Variants in GRID2 observed in about 807,000 individuals in gnomAD.
GRID2 encodes the protein glutamate receptor ionotropic, delta-2.
GRID2 carries 33 observed loss-of-function variants against 114.8 expected under a neutral mutation model. That is an observed-to-expected ratio of 0.29 (90% CI 0.22 to 0.38). The LOEUF is 0.38. GRID2 is among the 10% of genes least tolerant of loss of function. The pLI is 1.00. For synonymous variants in GRID2, 505 were observed against 449.9 expected (o/e 1.12, Z -1.55); for missense variants, 1,184 against 1,257.7 (o/e 0.94, Z 0.89).
intron 1 of GRID2, among the ~76,000 whole-genome samples, chr4:92,553,222 C>T (rs940044863): frequency 1.3e-5 from 2 of 152,134 alleles, no homozygotes; most frequent in African/African-American, 4.8e-5. Context: ...AATGCACCTG[C>T]ATTGGGTAAT....
At chr4:92,825,463 G>A (rs941691842) in intron 2 of GRID2, among the ~76,000 whole-genome samples, 1 of 152,114 alleles carries the variant, frequency 6.6e-6, no homozygotes. Flanking sequence ...TCATGACAGC[G>A]AAGTGAGTCT....
intron 8 of GRID2, among the ~76,000 whole-genome samples, chr4:93,384,428 C>T (rs1299973943): frequency 6.6e-6 from 1 of 152,090 alleles, no homozygotes; most frequent in African/African-American, 2.4e-5. Flanking sequence ...TCCTTTCTCA[C>T]AAATATCTCC....
chr4:93,310,039 A>G (rs1755849317), intron 8 of GRID2, among the ~76,000 whole-genome samples: 1 of 152,104 alleles, frequency 6.6e-6, no homozygotes, highest in Non-Finnish European at 1.5e-5. Flanking sequence ...CTCCCCTGAT[A>G]TTCCACTAGA....
At chr4:92,397,632 A>G (rs545410591) in intron 1 of GRID2, among the ~76,000 whole-genome samples, 24 of 152,278 alleles carry the variant, frequency 1.6e-4, no homozygotes, top group African/African-American at 5.8e-4. Context: ...GCAGCATAGA[A>G]GTGGCATGAA....
chr4:93,555,681 T>A (rs1734247752), intron 13 of GRID2, among the ~76,000 whole-genome samples: 3 of 152,178 alleles, frequency 2.0e-5, no homozygotes, highest in African/African-American at 7.2e-5. Flanking sequence ...GAAGTCAGCT[T>A]CAGCAGACGT....
intron 2 of GRID2, among the ~76,000 whole-genome samples, chr4:93,015,233 A>G (rs1437428816): frequency 2.6e-5 from 4 of 152,130 alleles, no homozygotes. Context: ...TGGGCCAAAA[A>G]TGGAACTCTG....
At chr4:93,461,527 G>C (rs139217891) in intron 11 of GRID2, among the ~76,000 whole-genome samples, 30 of 152,210 alleles carry the variant, frequency 2.0e-4, no homozygotes, top group African/African-American at 7.2e-4. Flanking sequence ...TGTGTTATCA[G>C]ACAGATTTCT....
chr4:92,895,616 A>G (rs1747109439), intron 2 of GRID2, among the ~76,000 whole-genome samples: 1 of 151,880 alleles, frequency 6.6e-6, no homozygotes, highest in Non-Finnish European at 1.5e-5. Flanking sequence ...CTGTGCTTAA[A>G]AAATATTAAA....
At chr4:92,561,006 C>T (rs1579583449) in intron 1 of GRID2, among the ~76,000 whole-genome samples, 1 of 152,136 alleles carries the variant, frequency 6.6e-6, no homozygotes, top group Non-Finnish European at 1.5e-5. Context: ...AGGCACCCGG[C>T]CGCTTTCTAA....
intron 13 of GRID2, 104 bp downstream of exon 13, chr4:93,515,515 C>G: frequency 1.3e-6 from 1 of 743,782 alleles, no homozygotes; most frequent in South Asian, 1.8e-5. Flanking sequence ...TGTTTTTTAT[C>G]TTTAATGCTG....
At chr4:93,614,083 G>T (rs1382856212) in intron 13 of GRID2, among the ~76,000 whole-genome samples, 1 of 152,040 alleles carries the variant, frequency 6.6e-6, no homozygotes, top group Non-Finnish European at 1.5e-5. Context: ...TTCCAGGTGC[G>T]TCCGTCACCC....
chr4:93,289,915 A>T (rs1004454105), intron 8 of GRID2, among the ~76,000 whole-genome samples: 1 of 152,238 alleles, frequency 6.6e-6, no homozygotes, highest in Non-Finnish European at 1.5e-5. Context: ...AAAGAAGTCC[A>T]TAAGATAAGA....
At chr4:93,104,677 T>C (rs561174185) in intron 3 of GRID2, among the ~76,000 whole-genome samples, 1 of 152,352 alleles carries the variant, frequency 6.6e-6, no homozygotes, top group South Asian at 2.1e-4. Context: ...GTGGTGTATA[T>C]GTGTCACATT....
intron 2 of GRID2, among the ~76,000 whole-genome samples, chr4:92,671,130 C>T (rs1733045563): frequency 6.6e-6 from 1 of 151,904 alleles, no homozygotes; most frequent in Non-Finnish European, 1.5e-5. Context: ...GGCTTGGAGG[C>T]CTCAGGAAAC....
At chr4:92,620,755 A>G (rs1730229654) in intron 2 of GRID2, among the ~76,000 whole-genome samples, 1 of 151,258 alleles carries the variant, frequency 6.6e-6, no homozygotes, top group African/African-American at 2.4e-5. Context: ...CAGTATTAGG[A>G]CACAGGAAGT....
intron 4 of GRID2, among the ~76,000 whole-genome samples, chr4:93,160,617 C>T (rs191597980): frequency 7.9e-4 from 120 of 151,902 alleles, no homozygotes; most frequent in Non-Finnish European, 1.4e-3. Context: ...GATACTGGAG[C>T]AATCTCCTTA....
intron 14 of GRID2, among the ~76,000 whole-genome samples, chr4:93,706,756 T>A (rs1392394911): frequency 6.6e-6 from 1 of 152,180 alleles, no homozygotes; most frequent in East Asian, 1.9e-4. Flanking sequence ...CTCTGTTGAG[T>A]AACAGTGGTG....
intron 12 of GRID2, among the ~76,000 whole-genome samples, chr4:93,502,828 G>A (rs1728257004): frequency 6.6e-6 from 1 of 151,196 alleles, no homozygotes; most frequent in African/African-American, 2.4e-5. Context: ...AGATACCCCA[G>A]CTAATAGCAA....
chr4:92,942,219 T>A (rs2149537797), intron 2 of GRID2, among the ~76,000 whole-genome samples: 1 of 152,280 alleles, frequency 6.6e-6, no homozygotes, highest in Middle Eastern at 3.4e-3. Flanking sequence ...TCTTTGTAGG[T>A]CACTAAGGAC....
Sources: gnomAD v4.1 joint callset for allele counts (sites outside exome capture counted in the v4.1 genomes callset) on GRCh38, gnomAD v4.1.1 for gene constraint, MANE v1.5 for transcripts, NCBI Gene and HGNC (gene_info 2026-07-23, HGNC 2026-07-21) for gene names.